The following SUSD6 variants were observed in gnomAD, a reference collection of about 807,000 sequenced individuals.
SUSD6 encodes sushi domain-containing protein 6.
In SUSD6, 16 loss-of-function variants were observed where a neutral mutation model predicts 28.4. The observed-to-expected ratio is 0.56, with a 90% CI of 0.38 to 0.86. The LOEUF (loss-of-function observed/expected upper bound fraction) is 0.86, where lower values mean the gene tolerates loss of function less well. Ranked by LOEUF, SUSD6 falls within the 40% of genes least tolerant of loss-of-function variation. The pLI is 0.00. For missense variants in SUSD6, 341 were observed against 384.2 expected (o/e 0.89, Z 0.94); for synonymous variants, 147 against 159.6 (o/e 0.92, Z 0.59).
intron 2 of SUSD6, among the ~76,000 whole-genome samples, chr14:69,667,990 A>G (rs1885770086): frequency 6.6e-6 from 1 of 152,210 alleles, no homozygotes; most frequent in Non-Finnish European, 1.5e-5. Flanking sequence ...AAGGTACTCC[A>G]TAGGTGGGTT....
At chr14:69,675,956 T>TA (rs1171364457) in intron 2 of SUSD6, among the ~76,000 whole-genome samples, 1 of 152,094 alleles carries the variant, frequency 6.6e-6, no homozygotes, top group Non-Finnish European at 1.5e-5. Context: ...GTTTTGTTTT[T>TA]AACGCTGACT....
intron 1 of SUSD6, among the ~76,000 whole-genome samples, chr14:69,649,097 A>G (rs747115855): frequency 9.8e-5 from 15 of 152,326 alleles, no homozygotes; most frequent in Admixed American, 2.6e-4. Flanking sequence ...GCACTTTTTA[A>G]AAAACCTTCT....
At chr14:69,628,395 A>G (rs1228015779) in intron 1 of SUSD6, among the ~76,000 whole-genome samples, 1 of 152,222 alleles carries the variant, frequency 6.6e-6, no homozygotes, top group African/African-American at 2.4e-5. Context: ...TGCTTGCTAC[A>G]GAGATACTGC....
At chr14:69,640,368 C>G (rs1473976657) in intron 1 of SUSD6, among the ~76,000 whole-genome samples, 2 of 152,046 alleles carry the variant, frequency 1.3e-5, no homozygotes, top group Non-Finnish European at 2.9e-5. Context: ...AGATCTTACT[C>G]TGTTGCCCAG....
chr14:69,679,709 G>A (rs1477240477), intron 2 of SUSD6, among the ~76,000 whole-genome samples: 1 of 152,052 alleles, frequency 6.6e-6, no homozygotes, highest in Non-Finnish European at 1.5e-5. Context: ...AAAGGAACCT[G>A]AGAGCAAAGA....
intron 3 of SUSD6, chr14:69,703,838 G>A: frequency 1.8e-6 from 1 of 559,638 alleles, no homozygotes; most frequent in Non-Finnish European, 3.2e-6. Context: ...TGATGTTCAG[G>A]ATCTCTTGTT....
intron 2 of SUSD6, among the ~76,000 whole-genome samples, chr14:69,685,604 G>T (rs1594717363): frequency 6.6e-6 from 1 of 152,158 alleles, no homozygotes; most frequent in Admixed American, 6.5e-5. Flanking sequence ...CAGAGATTTT[G>T]GAGCCTCGAT....
chr14:69,700,634 T>C (rs1396508659), intron 2 of SUSD6, among the ~76,000 whole-genome samples: 1 of 152,246 alleles, frequency 6.6e-6, no homozygotes, highest in Admixed American at 6.5e-5. Flanking sequence ...CCCTTCCTGA[T>C]GAAGTGAAGC....
At chr14:69,612,705 T>C (rs1884898745) in intron 1 of SUSD6, among the ~76,000 whole-genome samples, 1 of 152,170 alleles carries the variant, frequency 6.6e-6, no homozygotes, top group African/African-American at 2.4e-5. Context: ...TCCCACAGAA[T>C]TTTCTTTCAG....
At chr14:69,665,888 G>A (rs1885732836) in intron 2 of SUSD6, among the ~76,000 whole-genome samples, 1 of 152,200 alleles carries the variant, frequency 6.6e-6, no homozygotes, top group Non-Finnish European at 1.5e-5. Context: ...TCACCAGAAT[G>A]GGGATGATAA....
At chr14:69,669,817 T>C (rs764933723) in intron 2 of SUSD6, among the ~76,000 whole-genome samples, 5 of 151,450 alleles carry the variant, frequency 3.3e-5, no homozygotes, top group Non-Finnish European at 7.3e-5. Context: ...TGTGTGTTTA[T>C]TGAATGGAAT....
In SUSD6 at chr14:69,624,837, A is replaced by G. The variant is rs115307515; in HGVS notation, c.-81+13009A>G. 8.4e-3 allele frequency among the ~76,000 whole-genome samples: 1,280 copies of G among 152,232 alleles called. 13 individuals are homozygous for G. The highest frequency in any genetic ancestry group is 0.029 in the African/African-American group (1,215 of 41,514). ...AAGGGTGGCTACCAAAATTTTGATT[A>G]TTGCCTGGTGTGGGGAATTCTGGAT... On this transcript the variant is annotated intron_variant, in intron 1 of 5. Coordinates refer to ENST00000342745, the MANE Select transcript of SUSD6 (RefSeq NM_014734.4).
At chr14:69,638,323 T>A (rs2139601010) in intron 1 of SUSD6, among the ~76,000 whole-genome samples, 1 of 152,254 alleles carries the variant, frequency 6.6e-6, no homozygotes, top group South Asian at 2.1e-4. Context: ...CTTGCCTCTT[T>A]CTGGCCTTGT....
At chr14:69,690,996 C>T (rs1163959157) in intron 2 of SUSD6, among the ~76,000 whole-genome samples, 1 of 152,194 alleles carries the variant, frequency 6.6e-6, no homozygotes, top group African/African-American at 2.4e-5. Flanking sequence ...ATGTACAGGG[C>T]TCACTTCATG....
chr14:69,668,999 T>TAA lies in SUSD6; in HGVS notation c.121+10296_121+10297dup, dbSNP rs539737548. On this transcript the variant is annotated intron_variant, in intron 2 of 5. Transcript: ENST00000342745. ...ACAGCTTGCAGAACCGTGAGCCAGT[T>TAA]AAAAAAAAAAATCTCTTTTTTAATG... Among the ~76,000 whole-genome samples the TAA allele has an allele frequency of 1.2e-4, 18 of 145,792 alleles. No individual in the cohort carries two copies. In the East Asian group the frequency reaches 3.2e-3, roughly 26 times the overall value.
chr14:69,647,673 G>A (rs1027993998), intron 1 of SUSD6, among the ~76,000 whole-genome samples: 4 of 151,686 alleles, frequency 2.6e-5, no homozygotes, highest in Admixed American at 2.6e-4. Flanking sequence ...AAGGAAAAAA[G>A]GAGAAAGTGA....
Position 69,703,040 on chromosome 14 carries a change from A to G in SUSD6, c.122-355A>G, listed in dbSNP as rs1025522128. On this transcript the variant is annotated intron_variant, in intron 2 of 5. Coordinates refer to ENST00000342745, the MANE Select transcript of SUSD6 (RefSeq NM_014734.4). ...ATTTTTCCTCCTTTCACTGTGATTT[A>G]TTATGTGTGTTACAGGCTTTATTAC... Among the ~76,000 whole-genome samples the G allele has an allele frequency of 3.3e-5, 5 of 152,258 alleles. No individual in the cohort carries two copies. In the East Asian group the frequency reaches 9.6e-4, roughly 29 times the overall value.
At chr14:69,703,341 G>A in intron 2 of SUSD6, 54 bp from the exon 3 acceptor site, 8 of 1,407,880 alleles carry the variant, frequency 5.7e-6, no homozygotes, top group Non-Finnish European at 8.0e-6. Context: ...ACTGAGAGCA[G>A]ACTCCTACTG....
rs1464758754 is a variant in SUSD6, at chr14:69,712,731, C to A, written c.*1752C>A. On this transcript the variant is annotated 3_prime_UTR_variant, in exon 6 of 6. Coordinates refer to ENST00000342745, the MANE Select transcript of SUSD6 (RefSeq NM_014734.4). Reference sequence around the variant, plus strand: ...ACTTTACCACCCGGTCATTCCCTGGCCTCTTGCTGCCACTTGTAGTCTTCC... The same window carrying A: ...ACTTTACCACCCGGTCATTCCCTGGACTCTTGCTGCCACTTGTAGTCTTCC... 6.6e-6 allele frequency: 1 copy of A among 152,526 alleles called. No individual in the cohort carries two copies. The highest frequency in any genetic ancestry group is 2.4e-5 in the African/African-American group (1 of 41,442). The allele number at this position is 152,526 out of a possible 1,614,324, so 9.4% of individuals were successfully genotyped here. A position where few individuals can be genotyped will look rare whatever the true frequency, so the allele number is the denominator to read the frequency against.
Sources: allele counts gnomAD v4.1 joint callset (sites outside exome capture counted in the v4.1 genomes callset), GRCh38; gene constraint gnomAD v4.1.1; transcripts MANE v1.5; gene names NCBI Gene and HGNC (gene_info 2026-07-23, HGNC 2026-07-21).